GPR137B: variants seen among roughly 807,000 people sequenced by gnomAD.
GPR137B encodes the protein integral membrane protein GPR137B.
GPR137B carries 42 observed loss-of-function variants against 42.5 expected under a neutral mutation model. The ratio of observed to expected loss-of-function variants is 0.99; its 90% CI spans 0.77 to 1.28. GPR137B has a LOEUF of 1.28. Ranked by LOEUF, GPR137B falls within the 50% of genes most tolerant of loss-of-function variation. The pLI, the probability that GPR137B is intolerant of heterozygous loss-of-function variation, is 0.00. For missense variants in GPR137B, 487 were observed against 493.9 expected (o/e 0.99, Z 0.13); for synonymous variants, 218 against 209.7 (o/e 1.04, Z -0.34).
At position 236,149,392 on chromosome 1, in the gene GPR137B, C is replaced by T. The variant is rs535543803; in HGVS notation, c.414+6356C>T. Reference sequence around the variant, plus strand: ...CAGAGGCAGGACAAGTCCCGTGTTTCAGGCTGACCGATCCGTGCTTGCTAC... The same window carrying T: ...CAGAGGCAGGACAAGTCCCGTGTTTTAGGCTGACCGATCCGTGCTTGCTAC... On this transcript the variant is annotated intron_variant, in intron 1 of 6. Coordinates refer to ENST00000366592, the MANE Select transcript of GPR137B (RefSeq NM_003272.4). Among the ~76,000 whole-genome samples, 202 of 152,302 alleles carry T rather than the reference C, an allele frequency of 1.3e-3. 1 individual carries two copies. Among genetic ancestry groups the T allele is most frequent in the African/African-American group, 4.7e-3 (195 of 41,568 alleles).
intron 3 of GPR137B, 95 bp downstream of exon 3, chr1:236,178,731 G>A: frequency 1.9e-6 from 1 of 529,024 alleles, no homozygotes; most frequent in Non-Finnish European, 3.3e-6. Context: ...TTTTAGACTT[G>A]ATTTTGCCTT....
intron 1 of GPR137B, among the ~76,000 whole-genome samples, chr1:236,168,116 TG>T (rs1401990325): frequency 1.4e-5 from 2 of 139,038 alleles, no homozygotes; most frequent in Non-Finnish European, 3.0e-5. Context: ...GAGAGTGGAC[TG>T]TTTGTTTATC....
intron 6 of GPR137B, among the ~76,000 whole-genome samples, chr1:236,206,478 T>C (rs1189264744): frequency 6.6e-6 from 1 of 152,210 alleles, no homozygotes; most frequent in Non-Finnish European, 1.5e-5. Context: ...TGAATCTACA[T>C]GCGGATCTGG....
In GPR137B at chr1:236,151,418, ATTT is replaced by A. The variant is rs60574023; in HGVS notation, c.414+8404_414+8406del. ...CACATATGGTCTCTGTTGCATATTC[ATTT>A]TTTTTTTTTTTTTTTTTTTTTGAGA... On this transcript the variant is annotated intron_variant, in intron 1 of 6. Coordinates refer to ENST00000366592, the MANE Select transcript of GPR137B (RefSeq NM_003272.4). 3.0e-3 allele frequency among the ~76,000 whole-genome samples: 216 copies of A among 72,352 alleles called. 1 individual carries two copies. Among genetic ancestry groups the A allele is most frequent in the African/African-American group, 0.016 (193 of 12,306 alleles). The allele number at this position is 72,352 out of a possible 152,430, so 47.5% of individuals were successfully genotyped here. A position where few individuals can be genotyped will look rare whatever the true frequency, so the allele number is the denominator to read the frequency against.
At chr1:236,185,424 C>A (rs886809534) in intron 5 of GPR137B, among the ~76,000 whole-genome samples, 1 of 152,178 alleles carries the variant, frequency 6.6e-6, no homozygotes, top group East Asian at 1.9e-4. Flanking sequence ...TCCCTCAGGG[C>A]GCTTGGTGTA....
rs1455236682 is a variant in GPR137B, at chr1:236,186,416, C to T, written c.966+2510C>T. Among the ~76,000 whole-genome samples, 4 of 141,838 alleles carry T rather than the reference C, an allele frequency of 2.8e-5. 1 individual carries two copies. The Admixed American group carries it at 3.1e-4, about 11-fold the overall frequency. 93.1% of individuals were successfully genotyped at this position (141,838 alleles called of 152,430 possible). ...GTTTTGTTACATGGGTATACATGAG[C>T]TGTGGTGGTTTGCTGCACCCATCAA... On this transcript the variant is annotated intron_variant, in intron 5 of 6. Transcript: ENST00000366592.
chr1:236,153,059 GA>G (rs758448701), intron 1 of GPR137B, among the ~76,000 whole-genome samples: 3,260 of 131,956 alleles, frequency 0.025, 50 homozygotes, highest in Non-Finnish European at 0.036. Flanking sequence ...CCATCTCGGG[GA>G]AAAAAAAAAA....
intron 1 of GPR137B, among the ~76,000 whole-genome samples, chr1:236,153,623 C>G (rs969453380): frequency 1.3e-5 from 2 of 152,214 alleles, no homozygotes. Context: ...ATTCTCGCTG[C>G]GTGGAACTTA....
intron 4 of GPR137B, among the ~76,000 whole-genome samples, chr1:236,181,096 C>G (rs1008417024): frequency 6.6e-6 from 1 of 151,644 alleles, no homozygotes; most frequent in Non-Finnish European, 1.5e-5. Context: ...TAATGGAGCA[C>G]GTACACAGCA....
intron 1 of GPR137B, among the ~76,000 whole-genome samples, chr1:236,148,081 C>T (rs936874127): frequency 1.3e-5 from 2 of 152,216 alleles, no homozygotes; most frequent in Non-Finnish European, 2.9e-5. Flanking sequence ...GGCTTTGCAC[C>T]AAGGCCTTTG....
intron 1 of GPR137B, among the ~76,000 whole-genome samples, chr1:236,146,143 C>G (rs1385157729): frequency 6.6e-6 from 1 of 152,192 alleles, no homozygotes; most frequent in Non-Finnish European, 1.5e-5. Flanking sequence ...CAGGTGTGAG[C>G]CACCGCGCCT....
rs1571978037 is a variant in GPR137B at position 236,168,297 on chromosome 1, C to A, written c.415-409C>A. The stretch of plus-strand genomic sequence containing the variant: ...CAAAAATTAACTGGGTGTGGTGACA[C>A]CTGTAATCCCAGCTACTTGGGAGGC... On this transcript the variant is annotated intron_variant, in intron 1 of 6. Transcript: ENST00000366592. 2.0e-5 allele frequency among the ~76,000 whole-genome samples: 3 copies of A among 152,098 alleles called. No individual in the cohort carries two copies. The South Asian group carries it at 6.2e-4, about 32-fold the overall frequency.
intron 2 of GPR137B, among the ~76,000 whole-genome samples, chr1:236,177,075 C>T (rs889639960): frequency 3.3e-5 from 5 of 151,930 alleles, no homozygotes; most frequent in East Asian, 1.9e-4. Context: ...GAGCAGGAGC[C>T]GGGTAGACAA....
intron 1 of GPR137B, among the ~76,000 whole-genome samples, chr1:236,166,032 C>G (rs1015059386): frequency 6.6e-6 from 1 of 152,120 alleles, no homozygotes. Context: ...GGTTACCTAC[C>G]GCTTGGTAAA....
chr1:236,195,740 C>T (rs913099159), intron 5 of GPR137B, among the ~76,000 whole-genome samples: 10 of 152,148 alleles, frequency 6.6e-5, no homozygotes, highest in Admixed American at 1.3e-4. Flanking sequence ...CAAGGGTTCC[C>T]TTTTCTCCAC....
chr1:236,159,030 A>G (rs1259094256), intron 1 of GPR137B, among the ~76,000 whole-genome samples: 2 of 152,304 alleles, frequency 1.3e-5, no homozygotes, highest in South Asian at 2.1e-4. Flanking sequence ...CAGAAACACC[A>G]CTAAGACATT....
At chr1:236,149,017 C>G (rs999329190) in intron 1 of GPR137B, among the ~76,000 whole-genome samples, 1 of 152,118 alleles carries the variant, frequency 6.6e-6, no homozygotes, top group African/African-American at 2.4e-5. Flanking sequence ...TGTCCTGAAT[C>G]CCTTTGCTCC....
intron 2 of GPR137B, among the ~76,000 whole-genome samples, chr1:236,176,333 G>T (rs1459434520): frequency 6.6e-6 from 1 of 152,148 alleles, no homozygotes; most frequent in African/African-American, 2.4e-5. Flanking sequence ...CTCTTGGGGG[G>T]TGGGGGGCAC....
intron 1 of GPR137B, among the ~76,000 whole-genome samples, chr1:236,163,911 A>G (rs1295535622): frequency 6.7e-6 from 1 of 149,250 alleles, no homozygotes; most frequent in Non-Finnish European, 1.5e-5. Context: ...CACACCTCCC[A>G]TACCTCGACA....
Sources: allele counts gnomAD v4.1 joint callset (sites outside exome capture counted in the v4.1 genomes callset), GRCh38; gene constraint gnomAD v4.1.1; transcripts MANE v1.5; gene names NCBI Gene and HGNC (gene_info 2026-07-23, HGNC 2026-07-21).